The following PLEKHA6 variants were observed in gnomAD, a reference collection of about 807,000 sequenced individuals.
PLEKHA6 encodes the protein pleckstrin homology domain-containing family A member 6.
Under a neutral mutation model 116.7 loss-of-function variants are expected in PLEKHA6, and 60 were observed. The ratio of observed to expected loss-of-function variants is 0.51; its 90% CI spans 0.42 to 0.64. PLEKHA6 has a LOEUF of 0.64. Ranked by LOEUF, PLEKHA6 falls within the 30% of genes least tolerant of loss-of-function variation. The pLI is 0.00. For missense variants in PLEKHA6, 1,338 were observed against 1,422.7 expected (o/e 0.94, Z 0.96); for synonymous variants, 489 against 556.1 (o/e 0.88, Z 1.70).
At chr1:204,237,220 C>T (rs1662186863) in intron 17 of PLEKHA6, among the ~76,000 whole-genome samples, 1 of 152,140 alleles carries the variant, frequency 6.6e-6, no homozygotes, top group South Asian at 2.1e-4. Context: ...TGGTCATTTC[C>T]CCAGTGCCAG....
At chr1:204,339,072 C>G (rs1013118386) in intron 1 of PLEKHA6, among the ~76,000 whole-genome samples, 1 of 152,146 alleles carries the variant, frequency 6.6e-6, no homozygotes, top group Non-Finnish European at 1.5e-5. Flanking sequence ...TCTCCTGGAA[C>G]GCTCTCTTGA....
intron 1 of PLEKHA6, among the ~76,000 whole-genome samples, chr1:204,342,601 G>A (rs1424005216): frequency 6.6e-6 from 1 of 152,234 alleles, no homozygotes; most frequent in African/African-American, 2.4e-5. Flanking sequence ...CTGAGATTCT[G>A]CATTTCCAGC....
intron 1 of PLEKHA6, among the ~76,000 whole-genome samples, chr1:204,331,130 G>T (rs2103268989): frequency 6.6e-6 from 1 of 151,270 alleles, no homozygotes; most frequent in South Asian, 2.1e-4. Context: ...AACCAAGGAG[G>T]CGAAGGTTGC....
intron 10 of PLEKHA6, 63 bp from the exon 11 acceptor site, chr1:204,249,327 G>T: frequency 8.3e-7 from 1 of 1,202,772 alleles, no homozygotes; most frequent in South Asian, 1.2e-5. Context: ...ATAGTTTGAT[G>T]GGGACCTGGG....
chr1:204,234,267 A>G (rs1193075464), intron 17 of PLEKHA6, among the ~76,000 whole-genome samples: 1 of 152,192 alleles, frequency 6.6e-6, no homozygotes, highest in African/African-American at 2.4e-5. Context: ...GTTACCAGGA[A>G]CCACCATAAG....
chr1:204,265,446 C>T (rs998091962), intron 5 of PLEKHA6, among the ~76,000 whole-genome samples: 6 of 152,208 alleles, frequency 3.9e-5, no homozygotes, highest in African/African-American at 1.4e-4. Flanking sequence ...TATTATTACC[C>T]TCATTTTATA....
At chr1:204,346,154 A>G (rs1673038281) in intron 1 of PLEKHA6, among the ~76,000 whole-genome samples, 1 of 152,226 alleles carries the variant, frequency 6.6e-6, no homozygotes, top group South Asian at 2.1e-4. Context: ...AGTGGGCAGC[A>G]GGGAGCAAGG....
At chr1:204,266,714 G>A (rs1361805813) in intron 5 of PLEKHA6, among the ~76,000 whole-genome samples, 1 of 152,206 alleles carries the variant, frequency 6.6e-6, no homozygotes, top group East Asian at 1.9e-4. Flanking sequence ...CACGAGGACT[G>A]GAAATCAGGG....
chr1:204,318,888 C>G (rs1671957403), intron 1 of PLEKHA6, among the ~76,000 whole-genome samples: 1 of 152,178 alleles, frequency 6.6e-6, no homozygotes, highest in Non-Finnish European at 1.5e-5. Context: ...TATTCTCTGA[C>G]TTGCCAGAGG....
At chr1:204,318,009 T>TAC (rs1671923462) in intron 1 of PLEKHA6, among the ~76,000 whole-genome samples, 1 of 152,236 alleles carries the variant, frequency 6.6e-6, no homozygotes, top group Admixed American at 6.5e-5. Context: ...TTCATACACT[T>TAC]ATACACACAT....
intron 1 of PLEKHA6, among the ~76,000 whole-genome samples, chr1:204,375,423 G>T (rs1245339495): frequency 2.0e-5 from 3 of 151,876 alleles, no homozygotes; most frequent in African/African-American, 7.3e-5. Flanking sequence ...TCCTCCCTTT[G>T]TCTCCCCTCC....
chr1:204,302,968 C>A (rs141085824), intron 1 of PLEKHA6, among the ~76,000 whole-genome samples: 1 of 152,206 alleles, frequency 6.6e-6, no homozygotes, highest in Non-Finnish European at 1.5e-5. Context: ...AGATGAAGCA[C>A]GGAGGGGTCT....
At chr1:204,358,368 G>A (rs1205188818) in intron 1 of PLEKHA6, among the ~76,000 whole-genome samples, 2 of 152,212 alleles carry the variant, frequency 1.3e-5, no homozygotes, top group Non-Finnish European at 2.9e-5. Context: ...GTCTGCTCAT[G>A]TCCTGCTGAA....
chr1:204,260,827 T>C (rs535672099), intron 7 of PLEKHA6, among the ~76,000 whole-genome samples: 1 of 152,324 alleles, frequency 6.6e-6, no homozygotes, highest in South Asian at 2.1e-4. Flanking sequence ...ACGCACTCTG[T>C]GTAGGCCTCA....
chr1:204,276,699 C>T (rs1417783114), intron 1 of PLEKHA6, among the ~76,000 whole-genome samples: 1 of 151,802 alleles, frequency 6.6e-6, no homozygotes, highest in East Asian at 1.9e-4. Context: ...CACACACAGT[C>T]TGCTGCCAAC....
intron 18 of PLEKHA6, among the ~76,000 whole-genome samples, chr1:204,229,944 A>T (rs1262758221): frequency 6.6e-6 from 1 of 152,258 alleles, no homozygotes; most frequent in Non-Finnish European, 1.5e-5. Context: ...AATAGGGATA[A>T]TAATTCCTAA....
At chr1:204,246,747 G>A (rs889124952) in intron 13 of PLEKHA6, among the ~76,000 whole-genome samples, 3 of 152,188 alleles carry the variant, frequency 2.0e-5, no homozygotes, top group African/African-American at 7.2e-5. Context: ...CCCACCCCAG[G>A]AAGAAAAGCC....
At chr1:204,258,158 T>C (rs191158570) in intron 8 of PLEKHA6, among the ~76,000 whole-genome samples, 3 of 152,312 alleles carry the variant, frequency 2.0e-5, no homozygotes, top group Admixed American at 2.0e-4. Flanking sequence ...CATCTCAGCA[T>C]GAACCAGTTT....
chr1:204,347,278 A>G, intron 1 of PLEKHA6: 1 of 916,708 alleles, frequency 1.1e-6, no homozygotes, highest in East Asian at 2.4e-5. Flanking sequence ...TTACTGGAAG[A>G]TGGCAGTTAT....
Sources: gnomAD v4.1 joint callset for allele counts (sites outside exome capture counted in the v4.1 genomes callset) on GRCh38, gnomAD v4.1.1 for gene constraint, MANE v1.5 for transcripts, NCBI Gene and HGNC (gene_info 2026-07-23, HGNC 2026-07-21) for gene names.